Variants in SPOCK1 observed in about 807,000 individuals in gnomAD.
The protein encoded by SPOCK1 is SPARC (osteonectin), cwcv and kazal like domains proteoglycan 1.
A neutral mutation model predicts 55.3 loss-of-function variants in SPOCK1; 23 were observed. That is an observed-to-expected ratio of 0.42 (90% CI 0.30 to 0.59). The LOEUF (loss-of-function observed/expected upper bound fraction) is 0.59, where lower values mean the gene tolerates loss of function less well. Among genes scored for constraint, SPOCK1 ranks in the 20% least tolerant of loss-of-function variants. The pLI is 0.22. For synonymous variants in SPOCK1, 226 were observed against 221.0 expected (o/e 1.02, Z -0.20); for missense variants, 499 against 552.5 (o/e 0.90, Z 0.97).
intron 5 of SPOCK1, among the ~76,000 whole-genome samples, chr5:137,085,227 G>C (rs1432547186): frequency 1.3e-5 from 2 of 152,156 alleles, no homozygotes; most frequent in Non-Finnish European, 2.9e-5. Context: ...TACGCTCACA[G>C]GGCCAGTGAC....
At chr5:137,022,071 T>C (rs1412450186) in intron 6 of SPOCK1, among the ~76,000 whole-genome samples, 2 of 152,116 alleles carry the variant, frequency 1.3e-5, no homozygotes, top group Non-Finnish European at 2.9e-5. Flanking sequence ...TGGACAGAGC[T>C]TTGTGACCGA....
intron 9 of SPOCK1, among the ~76,000 whole-genome samples, chr5:136,984,050 C>T (rs1465045323): frequency 1.3e-5 from 2 of 152,182 alleles, no homozygotes; most frequent in Admixed American, 6.5e-5. Context: ...AATAAACAAA[C>T]ACAAGTCTTT....
intron 3 of SPOCK1, among the ~76,000 whole-genome samples, chr5:137,142,473 G>T (rs1341747194): frequency 1.3e-5 from 2 of 152,306 alleles, no homozygotes; most frequent in African/African-American, 2.4e-5. Flanking sequence ...GTAAACAGAA[G>T]CCAGGCTGCA....
At chr5:137,446,541 G>C (rs1753132034) in intron 2 of SPOCK1, among the ~76,000 whole-genome samples, 1 of 152,212 alleles carries the variant, frequency 6.6e-6, no homozygotes, top group Admixed American at 6.5e-5. Context: ...ATAGGAGGAA[G>C]GTATGTGAGA....
intron 6 of SPOCK1, among the ~76,000 whole-genome samples, chr5:136,996,190 A>G (rs569261260): frequency 6.6e-6 from 1 of 152,322 alleles, no homozygotes; most frequent in South Asian, 2.1e-4. Context: ...GACCCAGAGG[A>G]TACATCCCAC....
At chr5:137,160,577 AATAT>A (rs1196976476) in intron 3 of SPOCK1, among the ~76,000 whole-genome samples, 3 of 58,230 alleles carry the variant, frequency 5.2e-5, no homozygotes, top group Admixed American at 2.8e-4. Context: ...TATATTATAT[AATAT>A]ATATAATATA....
chr5:137,067,370 A>G (rs997715873), intron 6 of SPOCK1, among the ~76,000 whole-genome samples: 2 of 152,162 alleles, frequency 1.3e-5, no homozygotes, highest in African/African-American at 4.8e-5. Context: ...GAGAAGTTCA[A>G]AGGATTCAAA....
Position 137,494,556 on chromosome 5 carries a change from G to A in SPOCK1, c.186+3817C>T, listed in dbSNP as rs573245972. On this transcript the variant is annotated intron_variant, in intron 2 of 10. Coordinates refer to ENST00000394945, the MANE Select transcript of SPOCK1 (RefSeq NM_004598.4). The stretch of plus-strand genomic sequence containing the variant: ...ACCTTAAACAGTGTCTGGCACACTC[G>A]ATGCTCCATAAATGTTAGCTATTAC... Among the ~76,000 whole-genome samples the A allele has an allele frequency of 3.9e-5, 6 of 152,298 alleles. No homozygotes were observed. The South Asian group carries it at 8.3e-4, about 21-fold the overall frequency.
At chr5:137,147,927 T>C (rs1754234947) in intron 3 of SPOCK1, among the ~76,000 whole-genome samples, 2 of 152,208 alleles carry the variant, frequency 1.3e-5, no homozygotes, top group African/African-American at 2.4e-5. Context: ...AGAAAACCAA[T>C]TTGAAACGGT....
intron 6 of SPOCK1, among the ~76,000 whole-genome samples, chr5:137,028,104 T>C (rs1580714572): frequency 1.3e-5 from 2 of 152,132 alleles, no homozygotes; most frequent in South Asian, 4.1e-4. Flanking sequence ...ACTCTTTAAG[T>C]CAGGTGACTC....
chr5:136,999,998 GC>G (rs1042519665), intron 6 of SPOCK1, among the ~76,000 whole-genome samples: 1 of 152,258 alleles, frequency 6.6e-6, no homozygotes, highest in East Asian at 1.9e-4. Context: ...CACAGGACCA[GC>G]CCCCCTCTCT....
chr5:137,076,262 T>G (rs1241362774), intron 5 of SPOCK1, among the ~76,000 whole-genome samples: 3 of 152,214 alleles, frequency 2.0e-5, no homozygotes, highest in Non-Finnish European at 2.9e-5. Context: ...CCCAGGACAA[T>G]TCTCTCATTG....
intron 3 of SPOCK1, among the ~76,000 whole-genome samples, chr5:137,199,789 A>G (rs916767397): frequency 1.3e-5 from 2 of 152,114 alleles, no homozygotes; most frequent in Non-Finnish European, 2.9e-5. Context: ...TGACTCCCAA[A>G]GCTTTTACAT....
At chr5:137,291,235 C>A (rs1184358833) in intron 2 of SPOCK1, among the ~76,000 whole-genome samples, 1 of 152,174 alleles carries the variant, frequency 6.6e-6, no homozygotes, top group African/African-American at 2.4e-5. Context: ...AGGAGCAGAG[C>A]CACCAGGGAT....
At chr5:137,307,853 C>G (rs1757724734) in intron 2 of SPOCK1, among the ~76,000 whole-genome samples, 1 of 152,200 alleles carries the variant, frequency 6.6e-6, no homozygotes, top group African/African-American at 2.4e-5. Context: ...TGCAGGGGCT[C>G]AAGTGTCATG....
rs115540507 is a variant in SPOCK1, at chr5:137,328,771, C to T, written c.187-61716G>A. 5.4e-3 allele frequency among the ~76,000 whole-genome samples: 830 copies of T among 152,304 alleles called. 6 individuals carry two copies. The highest frequency in any genetic ancestry group is 0.019 in the African/African-American group (784 of 41,552). ...ATGCCAGGATCACACAATCAGTACG[C>T]GGCAGAACCACACCACCAACCCAAG... On this transcript the variant is annotated intron_variant, in intron 2 of 10. Transcript: ENST00000394945.
chr5:137,409,407 T>C (rs1431077396), intron 2 of SPOCK1, among the ~76,000 whole-genome samples: 1 of 151,776 alleles, frequency 6.6e-6, no homozygotes, highest in African/African-American at 2.4e-5. Context: ...GGCTGAAGAG[T>C]GCTGGGCTAA....
At chr5:137,184,432 G>A (rs907465765) in intron 3 of SPOCK1, among the ~76,000 whole-genome samples, 1 of 152,180 alleles carries the variant, frequency 6.6e-6, no homozygotes, top group Admixed American at 6.5e-5. Context: ...GCCCCAGAAT[G>A]TCCCATCAGC....
intron 2 of SPOCK1, among the ~76,000 whole-genome samples, chr5:137,422,339 T>C (rs1272362195): frequency 6.6e-6 from 1 of 152,216 alleles, no homozygotes; most frequent in Non-Finnish European, 1.5e-5. Flanking sequence ...CCTGCCTTGC[T>C]AGATTGGGGA....
Sources: gnomAD v4.1 joint callset for allele counts (sites outside exome capture counted in the v4.1 genomes callset) on GRCh38, gnomAD v4.1.1 for gene constraint, MANE v1.5 for transcripts, NCBI Gene and HGNC (gene_info 2026-07-23, HGNC 2026-07-21) for gene names.